Variants in WDFY4 observed in about 807,000 individuals in gnomAD.
WDFY4 encodes the protein WDFY family member 4.
Under a neutral mutation model 351.9 loss-of-function variants are expected in WDFY4, and 169 were observed. The observed-to-expected ratio is 0.48, with a 90% CI of 0.42 to 0.55. The LOEUF (loss-of-function observed/expected upper bound fraction) is 0.55, where lower values mean the gene tolerates loss of function less well. WDFY4 is among the 20% of genes least tolerant of loss of function. The pLI, the probability that WDFY4 is intolerant of heterozygous loss-of-function variation, is 0.00. For synonymous variants in WDFY4, 1,622 were observed against 1,574.6 expected (o/e 1.03, Z -0.71); for missense variants, 3,803 against 3,935.6 (o/e 0.97, Z 0.90).
intron 47 of WDFY4, among the ~76,000 whole-genome samples, chr10:48,940,277 A>G (rs1302801021): frequency 1.3e-5 from 2 of 152,246 alleles, no homozygotes; most frequent in Non-Finnish European, 2.9e-5. Context: ...AAAGCAGTAT[A>G]TCGGAGCATG....
intron 12 of WDFY4, among the ~76,000 whole-genome samples, chr10:48,744,323 G>A (rs575098994): frequency 6.4e-4 from 97 of 152,296 alleles, no homozygotes; most frequent in African/African-American, 2.2e-3. Context: ...TTTATCCAGA[G>A]TGCCCCGTTT....
In WDFY4 at chr10:48,820,469, G is replaced by A. The variant is rs577417520; in HGVS notation, c.5709+32G>A. On this transcript the variant is annotated intron_variant, in intron 33 of 61. Coordinates refer to ENST00000325239, the MANE Select transcript of WDFY4 (RefSeq NM_001394531.1). ...TGGAAAAGGTGACATTGGGCCATGT[G>A]CTGTGGAGGCTGCCGGCATACCGGC... 17 of 1,542,458 alleles carry A rather than the reference G, an allele frequency of 1.1e-5. No individual in the cohort carries two copies. In the East Asian group the frequency reaches 3.4e-4, roughly 31 times the overall value.
intron 24 of WDFY4, among the ~76,000 whole-genome samples, chr10:48,798,672 A>G (rs571246703): frequency 6.6e-6 from 1 of 152,358 alleles, no homozygotes; most frequent in Admixed American, 6.5e-5. Flanking sequence ...ACCAGAAGGG[A>G]ACGCCAGGCT....
intron 1 of WDFY4, among the ~76,000 whole-genome samples, chr10:48,697,279 G>A (rs1025477505): frequency 3.3e-5 from 5 of 152,194 alleles, no homozygotes; most frequent in Non-Finnish European, 5.9e-5. Flanking sequence ...CTCCCTTCCC[G>A]ACCTGCTTTG....
chr10:48,712,772 A>G (rs549791754), intron 2 of WDFY4, among the ~76,000 whole-genome samples: 2 of 152,346 alleles, frequency 1.3e-5, no homozygotes, highest in Admixed American at 1.3e-4. Flanking sequence ...TTTTATAACC[A>G]CAAAGCAGTG....
At chr10:48,803,207 C>A in intron 24 of WDFY4, 79 bp from the exon 25 acceptor site, 1 of 1,382,408 alleles carries the variant, frequency 7.2e-7, no homozygotes, top group Non-Finnish European at 1.0e-6. Flanking sequence ...ACCTGTCCAG[C>A]ACTGACCTTC....
intron 20 of WDFY4, among the ~76,000 whole-genome samples, chr10:48,787,817 T>C (rs2066460516): frequency 8.0e-6 from 1 of 124,766 alleles, no homozygotes; most frequent in African/African-American, 3.7e-5. Flanking sequence ...CTCTTCTTCT[T>C]CTTCTTCTTC....
chr10:48,883,224 T>C (rs148929658), intron 43 of WDFY4, among the ~76,000 whole-genome samples: 31 of 152,348 alleles, frequency 2.0e-4, no homozygotes, highest in Middle Eastern at 3.4e-3. Flanking sequence ...GGTGCCTACC[T>C]GCCCTCCTGC....
At chr10:48,722,345 A>G (rs1589453188) in intron 4 of WDFY4, among the ~76,000 whole-genome samples, 1 of 152,082 alleles carries the variant, frequency 6.6e-6, no homozygotes, top group African/African-American at 2.4e-5. Context: ...ACTTTAACCT[A>G]AGGGCTTGTT....
chr10:48,954,947 G>T (rs148478966), intron 51 of WDFY4, among the ~76,000 whole-genome samples: 76 of 152,168 alleles, frequency 5.0e-4, no homozygotes, highest in African/African-American at 1.6e-3. Context: ...CAGATTTGTA[G>T]CACTAACAAT....
At chr10:48,977,425 T>TCATCCATCCATCCATCCATCCATCCATC in intron 59 of WDFY4, among the ~76,000 whole-genome samples, 1 of 150,124 alleles carries the variant, frequency 6.7e-6, no homozygotes, top group Non-Finnish European at 1.5e-5. Context: ...ACCCATCCAC[T>TCATCCATCCATCCATCCATCCATCCATC]CATCCATCCA....
intron 31 of WDFY4, among the ~76,000 whole-genome samples, chr10:48,816,879 G>C (rs773926097): frequency 1.3e-5 from 2 of 152,206 alleles, no homozygotes; most frequent in Non-Finnish European, 2.9e-5. Flanking sequence ...AAGTTACTCA[G>C]TGAGTTTGGT....
At chr10:48,699,085 C>T (rs1217700875) in intron 1 of WDFY4, among the ~76,000 whole-genome samples, 1 of 152,228 alleles carries the variant, frequency 6.6e-6, no homozygotes, top group Non-Finnish European at 1.5e-5. Flanking sequence ...TCCTCCTCCA[C>T]AGACAGCCAC....
At chr10:48,880,079 T>C (rs1404847089) in intron 43 of WDFY4, among the ~76,000 whole-genome samples, 2 of 152,192 alleles carry the variant, frequency 1.3e-5, no homozygotes, top group African/African-American at 4.8e-5. Context: ...CTCTGGAATA[T>C]GAGCACCACT....
intron 2 of WDFY4, among the ~76,000 whole-genome samples, chr10:48,714,599 G>C (rs946026637): frequency 6.6e-6 from 1 of 152,218 alleles, no homozygotes; most frequent in East Asian, 1.9e-4. Flanking sequence ...ATGGGAAGGT[G>C]CTGGTTTTGG....
intron 25 of WDFY4, chr10:48,804,717 A>T: frequency 1.0e-6 from 1 of 984,782 alleles, no homozygotes; most frequent in Non-Finnish European, 1.2e-6. Context: ...TTATCCTGGG[A>T]GCTGTTTTCT....
intron 1 of WDFY4, among the ~76,000 whole-genome samples, chr10:48,689,888 A>G (rs1172367941): frequency 1.3e-5 from 2 of 152,234 alleles, no homozygotes; most frequent in Non-Finnish European, 2.9e-5. Context: ...CCCATTTTAC[A>G]GATGAGAAAA....
chr10:48,703,423 C>T (rs1435790413), intron 1 of WDFY4, among the ~76,000 whole-genome samples: 3 of 152,228 alleles, frequency 2.0e-5, no homozygotes, highest in African/African-American at 7.2e-5. Context: ...CAGGCAGTTT[C>T]TGCACCTGGA....
intron 43 of WDFY4, among the ~76,000 whole-genome samples, chr10:48,890,267 G>T (rs1334470406): frequency 6.6e-6 from 1 of 152,142 alleles, no homozygotes; most frequent in Admixed American, 6.5e-5. Flanking sequence ...GCTTTGCATG[G>T]TTGTAGAGGG....
Sources: gnomAD v4.1 joint callset for allele counts (sites outside exome capture counted in the v4.1 genomes callset) on GRCh38, gnomAD v4.1.1 for gene constraint, MANE v1.5 for transcripts, NCBI Gene and HGNC (gene_info 2026-07-23, HGNC 2026-07-21) for gene names.